The following EDEM1 variants were observed in gnomAD, a reference collection of about 807,000 sequenced individuals.
EDEM1 encodes ER degradation enhancing alpha-mannosidase like protein 1, also known as ER degradation-enhancing alpha-mannosidase-like protein 1.
Under a neutral mutation model 74.4 loss-of-function variants are expected in EDEM1, and 67 were observed. That is an observed-to-expected ratio of 0.90 (90% CI 0.74 to 1.10). The LOEUF (loss-of-function observed/expected upper bound fraction) is 1.10. Among genes scored for constraint, EDEM1 ranks in the 50% least tolerant of loss-of-function variants. The pLI, the probability that EDEM1 is intolerant of heterozygous loss-of-function variation, is 0.00. For synonymous variants in EDEM1, 382 were observed against 335.9 expected (o/e 1.14, Z -1.50); for missense variants, 926 against 851.6 (o/e 1.09, Z -1.09).
chr3:5,207,401 C>G (rs772657381), intron 7 of EDEM1, 128 bp downstream of exon 7: 45 of 1,283,118 alleles, frequency 3.5e-5, no homozygotes, highest in Non-Finnish European at 4.8e-5. Flanking sequence ...TGACACTATA[C>G]GTCTTCATCT....
chr3:5,188,421 G>A, intron 1 of EDEM1, 107 bp downstream of exon 1: 2 of 1,227,930 alleles, frequency 1.6e-6, no homozygotes, highest in East Asian at 3.3e-5. Flanking sequence ...CGCCAGGGCC[G>A]TTAGGGTCCC....
chr3:5,215,885 G>A lies in EDEM1; in HGVS notation c.1941G>A (p.Met647Ile), dbSNP rs746353703. ...CCCTGCCCTTAAAGAGCATCTACAT[G>A]CGACAGATTGACCAGATGGTTGGTT... ...RYSLPLKSIY[M>I]RQIDQMVGLI Residue 647 changes from methionine (M) to isoleucine (I), a missense_variant, in exon 12 of 12, where the codon ATG (methionine) becomes ATA (isoleucine). Physicochemically the swap from Met to Ile is conservative, Grantham distance 10. Transcript: ENST00000256497. The A allele has an allele frequency of 6.2e-7, 1 of 1,613,044 alleles. No homozygotes were observed. Among genetic ancestry groups the A allele is most frequent in the Non-Finnish European group, 8.5e-7 (1 of 1,179,622 alleles).
At chr3:5,208,448 G>C (rs1421088526) in intron 8 of EDEM1, among the ~76,000 whole-genome samples, 185 bp downstream of exon 8, 1 of 152,058 alleles carries the variant, frequency 6.6e-6, no homozygotes, top group African/African-American at 2.4e-5. Flanking sequence ...GGACAGAGAA[G>C]GCATCTGCAG....
chr3:5,205,987 C>T (rs188874854), intron 6 of EDEM1, among the ~76,000 whole-genome samples: 157 of 152,026 alleles, frequency 1.0e-3, no homozygotes, highest in Non-Finnish European at 1.8e-3. Flanking sequence ...GATAGATCTG[C>T]AATGCAGGAC....
At chr3:5,206,452 C>T (rs1437143355) in intron 6 of EDEM1, among the ~76,000 whole-genome samples, 9 of 152,130 alleles carry the variant, frequency 5.9e-5, no homozygotes, top group South Asian at 2.1e-4. Context: ...GTGATCCACC[C>T]GCCTCGGCCT....
chr3:5,198,757 T>C (rs544327751), intron 2 of EDEM1, among the ~76,000 whole-genome samples: 1 of 152,064 alleles, frequency 6.6e-6, no homozygotes, highest in East Asian at 1.9e-4. Context: ...TAGCTTGACT[T>C]TTCCCTTTGG....
Position 5,212,936 on chromosome 3 carries a change from G to T in EDEM1, c.1681-383G>T, listed in dbSNP as rs913263812. ...TCCCTGTCAGCATTTACAGTTCAGG[G>T]TCTAGGTGTGTGTGAGGTTGGGTGT... On this transcript the variant is annotated intron_variant, in intron 10 of 11. Coordinates refer to ENST00000256497, the MANE Select transcript of EDEM1 (RefSeq NM_014674.3). 3.9e-5 allele frequency among the ~76,000 whole-genome samples: 6 copies of T among 152,348 alleles called. No individual in the cohort carries two copies. The South Asian group carries it at 8.3e-4, about 21-fold the overall frequency.
intron 1 of EDEM1, 106 bp downstream of exon 1, chr3:5,188,420 C>T: frequency 8.1e-7 from 1 of 1,229,416 alleles, no homozygotes; most frequent in Non-Finnish European, 1.0e-6. Context: ...GCGCCAGGGC[C>T]GTTAGGGTCC....
rs1175895304 is a variant in EDEM1, at chr3:5,219,827, TATTTAAA to T, written c.*3910_*3916del. On this transcript the variant is annotated 3_prime_UTR_variant, in exon 12 of 12. Coordinates refer to ENST00000256497, the MANE Select transcript of EDEM1 (RefSeq NM_014674.3). ...ATGTTTAATCTGTAAATAAGAAATG[TATTTAAA>T]TTAAAAGGGATCTTTTTGTAAAAGG... 6.6e-6 allele frequency: 1 copy of T among 152,654 alleles called. No individual in the cohort carries two copies. Among genetic ancestry groups the T allele is most frequent in the East Asian group, 1.9e-4 (1 of 5,192 alleles). The allele number at this position is 152,654 out of a possible 1,614,324, so 9.5% of individuals were successfully genotyped here. A position where few individuals can be genotyped will look rare whatever the true frequency, so the allele number is the denominator to read the frequency against.
intron 9 of EDEM1, among the ~76,000 whole-genome samples, 167 bp from the exon 10 acceptor site, chr3:5,210,953 G>T (rs1029409298): frequency 2.6e-5 from 4 of 152,190 alleles, no homozygotes; most frequent in Non-Finnish European, 5.9e-5. Flanking sequence ...AAGTAAATTT[G>T]CAAACAACCC....
intron 11 of EDEM1, among the ~76,000 whole-genome samples, chr3:5,215,544 AC>A (rs1274316531): frequency 3.3e-5 from 5 of 152,196 alleles, no homozygotes; most frequent in African/African-American, 1.2e-4. Flanking sequence ...AAATTATGTC[AC>A]TGGTCTTCAC....
rs142584281 is a variant in EDEM1, at chr3:5,204,942, C to G, written c.1043-125C>G. On this transcript the variant is annotated intron_variant, in intron 5 of 11. Coordinates refer to ENST00000256497, the MANE Select transcript of EDEM1 (RefSeq NM_014674.3). ...AAATGTTAGGTCCAAGCAACCACCT[C>G]CTTCTCCTGTATGCCAAGGATAAAG... is the stretch of plus-strand genomic sequence containing the variant. 70 of 1,026,388 alleles carry G rather than the reference C, an allele frequency of 6.8e-5. No individual in the cohort carries two copies. The East Asian group carries it at 1.7e-3, about 24-fold the overall frequency. 63.6% of individuals were successfully genotyped at this position (1,026,388 alleles called of 1,614,324 possible).
chr3:5,211,763 A>G (rs2055171486), intron 10 of EDEM1, among the ~76,000 whole-genome samples: 1 of 152,084 alleles, frequency 6.6e-6, no homozygotes, highest in Non-Finnish European at 1.5e-5. Flanking sequence ...CATTTCCCTC[A>G]CAAGAACTAC....
chr3:5,204,588 C>T (rs1335356753), intron 5 of EDEM1, among the ~76,000 whole-genome samples: 1 of 152,092 alleles, frequency 6.6e-6, no homozygotes, highest in East Asian at 1.9e-4. Context: ...GACAGAGTTT[C>T]ACCATGTTGC....
Position 5,218,844 on chromosome 3 carries a change from C to T in EDEM1, c.*2926C>T, listed in dbSNP as rs2055275941. The T allele has an allele frequency of 1.3e-5, 2 of 152,168 alleles. No individual in the cohort carries two copies. The highest frequency in any genetic ancestry group is 4.1e-4 in the South Asian group (2 of 4,830). 9.4% of individuals were successfully genotyped at this position (152,168 alleles called of 1,614,324 possible). A position where few individuals can be genotyped will look rare whatever the true frequency, so the allele number is the denominator to read the frequency against. On this transcript the variant is annotated 3_prime_UTR_variant, in exon 12 of 12. Coordinates refer to ENST00000256497, the MANE Select transcript of EDEM1 (RefSeq NM_014674.3). Reference sequence around the variant, plus strand: ...AGCTTCTGTATTCAAATCTTTCCTTCATTTTTTTAAATTTTTTTTTTGGCA... The same window carrying T: ...AGCTTCTGTATTCAAATCTTTCCTTTATTTTTTTAAATTTTTTTTTTGGCA...
chr3:5,203,209 C>G, intron 5 of EDEM1, 60 bp downstream of exon 5: 2 of 1,453,946 alleles, frequency 1.4e-6, no homozygotes, highest in Non-Finnish European at 1.8e-6. Context: ...TTCCTTTCAT[C>G]TTCTCTGGGC....
intron 10 of EDEM1, among the ~76,000 whole-genome samples, chr3:5,212,762 A>G (rs866334784): frequency 6.6e-6 from 1 of 152,220 alleles, no homozygotes; most frequent in African/African-American, 2.4e-5. Context: ...TCCGTGTCAC[A>G]TGCACCATTG....
chr3:5,197,579 TCTG>T (rs2054984826), intron 2 of EDEM1, among the ~76,000 whole-genome samples: 1 of 152,228 alleles, frequency 6.6e-6, no homozygotes, highest in African/African-American at 2.4e-5. Flanking sequence ...CTGGTAAACA[TCTG>T]TAAGGAAACA....
At chr3:5,188,619 G>A (rs1220002523) in intron 1 of EDEM1, among the ~76,000 whole-genome samples, 1 of 152,252 alleles carries the variant, frequency 6.6e-6, no homozygotes, top group African/African-American at 2.4e-5. Flanking sequence ...CAGTGGCAGT[G>A]CCAAGGGCTG....
Sources: allele counts gnomAD v4.1 joint callset (sites outside exome capture counted in the v4.1 genomes callset), GRCh38; gene constraint gnomAD v4.1.1; transcripts MANE v1.5; gene names NCBI Gene and HGNC (gene_info 2026-07-23, HGNC 2026-07-21).